KIAA0825: variants seen among roughly 807,000 people sequenced by gnomAD.
KIAA0825 encodes the protein uncharacterized protein KIAA0825.
Under a neutral mutation model 147.6 loss-of-function variants are expected in KIAA0825, and 119 were observed. The ratio of observed to expected loss-of-function variants is 0.81; its 90% CI spans 0.69 to 0.94. KIAA0825 has a LOEUF of 0.94. Ranked by LOEUF, KIAA0825 falls within the 40% of genes least tolerant of loss-of-function variation. The pLI, the probability that KIAA0825 is intolerant of heterozygous loss-of-function variation, is 0.00. For missense variants in KIAA0825, 1,381 were observed against 1,472.7 expected, an observed-to-expected ratio of 0.94 and a Z score of 1.02; for synonymous variants, 470 against 518.1, an observed-to-expected ratio of 0.91 and a Z score of 1.26.
intron 6 of KIAA0825, among the ~76,000 whole-genome samples, chr5:94,478,451 T>TCTCA (rs1554289711): frequency 5.5e-5 from 8 of 146,146 alleles, no homozygotes; most frequent in Admixed American, 2.1e-4. Context: ...CACATGTGCA[T>TCTCA]CACACACACA....
chr5:94,443,029 G>A (rs1405190330), intron 13 of KIAA0825, among the ~76,000 whole-genome samples: 1 of 152,058 alleles, frequency 6.6e-6, no homozygotes, highest in Non-Finnish European at 1.5e-5. Flanking sequence ...GTCACTTTAT[G>A]CCGCTGTATC....
intron 5 of KIAA0825, among the ~76,000 whole-genome samples, chr5:94,491,907 G>A (rs956349552): frequency 6.6e-6 from 1 of 152,286 alleles, no homozygotes; most frequent in East Asian, 1.9e-4. Flanking sequence ...GAAGTTAAGT[G>A]AAAATGTAAC....
chr5:94,312,937 T>A (rs1779315484), intron 20 of KIAA0825, among the ~76,000 whole-genome samples: 2 of 151,588 alleles, frequency 1.3e-5, no homozygotes, highest in African/African-American at 2.4e-5. Flanking sequence ...AGGACACGAA[T>A]CAAAATTATC....
intron 6 of KIAA0825, 68 bp from the exon 7 acceptor site, chr5:94,477,273 A>T: frequency 9.6e-7 from 1 of 1,046,664 alleles, no homozygotes; most frequent in South Asian, 1.5e-5. Context: ...GATGTGATTT[A>T]TAAATTCAGG....
intron 20 of KIAA0825, among the ~76,000 whole-genome samples, chr5:94,202,446 A>AAT (rs1331469666): frequency 1.3e-5 from 2 of 152,206 alleles, no homozygotes; most frequent in Non-Finnish European, 2.9e-5. Flanking sequence ...GAGATAAATT[A>AAT]TACCAGCGGT....
intron 18 of KIAA0825, among the ~76,000 whole-genome samples, chr5:94,389,039 G>A (rs1385102593): frequency 1.3e-5 from 2 of 152,182 alleles, no homozygotes; most frequent in Non-Finnish European, 2.9e-5. Context: ...CTCTGAGAAT[G>A]ACCCTGTATG....
chr5:94,153,678 A>G lies in KIAA0825; in HGVS notation c.*329T>C, dbSNP rs1039673040. 2 of 177,906 alleles carry G rather than the reference A, an allele frequency of 1.1e-5. No homozygotes were observed. Among genetic ancestry groups the G allele is most frequent in the African/African-American group, 4.7e-5 (2 of 42,624 alleles). The allele number at this position is 177,906 out of a possible 1,614,324, so 11.0% of individuals were successfully genotyped here. ...AATGTTGTATTTAAAAAATCCTTTA[A>G]AAAATTTCTGAACATTTCTTCCTGT... On this transcript the variant is annotated 3_prime_UTR_variant, in exon 21 of 21. Coordinates refer to ENST00000682413, the MANE Select transcript of KIAA0825 (RefSeq NM_001145678.3).
intron 2 of KIAA0825, among the ~76,000 whole-genome samples, chr5:94,578,349 T>A (rs1781440933): frequency 1.3e-5 from 2 of 152,188 alleles, no homozygotes; most frequent in Non-Finnish European, 2.9e-5. Context: ...GGTATAGAAT[T>A]ATATAATTTT....
intron 20 of KIAA0825, among the ~76,000 whole-genome samples, chr5:94,177,416 A>G (rs1462563982): frequency 6.6e-6 from 1 of 152,052 alleles, no homozygotes; most frequent in East Asian, 1.9e-4. Flanking sequence ...TATAATTTGT[A>G]GTCCATTCCC....
chr5:94,302,735 C>T (rs1348333868), intron 20 of KIAA0825, among the ~76,000 whole-genome samples: 2 of 152,080 alleles, frequency 1.3e-5, no homozygotes, highest in Non-Finnish European at 2.9e-5. Flanking sequence ...GTTGTCTCCT[C>T]TTGGCACATC....
rs552118776 is a variant in KIAA0825, at chr5:94,221,194, A to G, written c.3711-67070T>C. Among the ~76,000 whole-genome samples the G allele has an allele frequency of 3.3e-5, 5 of 152,310 alleles. No homozygotes were observed. In the East Asian group the frequency reaches 9.6e-4, roughly 29 times the overall value. Reference sequence around the variant, plus strand: ...AGTCCCTCTTTGTGGTCTCAGGGGTAGAGCCTGCCAGGATTTCAGAAGGAG... The same window carrying G: ...AGTCCCTCTTTGTGGTCTCAGGGGTGGAGCCTGCCAGGATTTCAGAAGGAG... On this transcript the variant is annotated intron_variant, in intron 20 of 20. Transcript: ENST00000682413.
chr5:94,377,750 A>G (rs907926696), intron 20 of KIAA0825, among the ~76,000 whole-genome samples: 1 of 152,208 alleles, frequency 6.6e-6, no homozygotes, highest in Non-Finnish European at 1.5e-5. Context: ...ATTGAAACAC[A>G]TATATCATTA....
At chr5:94,157,861 T>G (rs1210395930) in intron 20 of KIAA0825, among the ~76,000 whole-genome samples, 3 of 152,072 alleles carry the variant, frequency 2.0e-5, no homozygotes, top group African/African-American at 7.2e-5. Context: ...TAGTAAAACA[T>G]GAGGTATATC....
intron 16 of KIAA0825, among the ~76,000 whole-genome samples, chr5:94,398,932 C>G (rs1445069516): frequency 6.6e-6 from 1 of 152,088 alleles, no homozygotes; most frequent in Non-Finnish European, 1.5e-5. Context: ...GTACAAAGCT[C>G]TTGGAAAATA....
chr5:94,487,008 T>A (rs945051469), intron 5 of KIAA0825, among the ~76,000 whole-genome samples: 2 of 152,188 alleles, frequency 1.3e-5, no homozygotes, highest in African/African-American at 4.8e-5. Context: ...GTCTTGTGAA[T>A]GTTTATAAAG....
chr5:94,538,766 C>A (rs547896500), intron 2 of KIAA0825, among the ~76,000 whole-genome samples: 4 of 152,202 alleles, frequency 2.6e-5, no homozygotes, highest in Admixed American at 2.6e-4. Context: ...GGTCCTATAA[C>A]GCCAGAGCAG....
intron 20 of KIAA0825, among the ~76,000 whole-genome samples, chr5:94,184,571 A>C (rs1475569048): frequency 1.3e-5 from 2 of 152,184 alleles, no homozygotes; most frequent in South Asian, 4.1e-4. Flanking sequence ...CATAGACTCT[A>C]TCTTGTCTAT....
chr5:94,561,865 G>T (rs1039853511), intron 2 of KIAA0825, among the ~76,000 whole-genome samples: 4 of 151,972 alleles, frequency 2.6e-5, no homozygotes, highest in Admixed American at 2.0e-4. Flanking sequence ...TTTATGAAAG[G>T]CATTTATTTC....
chr5:94,256,526 T>C (rs985987566), intron 20 of KIAA0825, among the ~76,000 whole-genome samples: 2 of 152,188 alleles, frequency 1.3e-5, no homozygotes, highest in Non-Finnish European at 2.9e-5. Flanking sequence ...AATATAGCAC[T>C]CTTATGCTGC....
Sources: gnomAD v4.1 joint callset for allele counts (sites outside exome capture counted in the v4.1 genomes callset) on GRCh38, gnomAD v4.1.1 for gene constraint, MANE v1.5 for transcripts, NCBI Gene and HGNC (gene_info 2026-07-23, HGNC 2026-07-21) for gene names.